PKD2L2: variants seen among roughly 807,000 people sequenced by gnomAD.
PKD2L2 encodes polycystin 2 like 2, transient receptor potential cation channel, also known as polycystin-2-like protein 2.
In PKD2L2, 67 loss-of-function variants were observed where a neutral mutation model predicts 83.9. The ratio of observed to expected loss-of-function variants is 0.80; its 90% CI spans 0.66 to 0.98. The LOEUF is 0.98. PKD2L2 is among the 50% of genes least tolerant of loss of function. The pLI is 0.00. For missense variants in PKD2L2, 632 were observed against 717.2 expected (o/e 0.88, Z 1.36); for synonymous variants, 223 against 237.8 (o/e 0.94, Z 0.57).
chr5:137,936,513 T>C (rs1262046718), intron 14 of PKD2L2, 86 bp downstream of exon 14: 1 of 1,121,186 alleles, frequency 8.9e-7, no homozygotes, highest in Non-Finnish European at 1.3e-6. Context: ...TGGAGTGCAG[T>C]GGCGTGGTCT....
rs181755054 is a variant in PKD2L2, at chr5:137,927,961, C to T, written c.1671+2032C>T. 1.3e-3 allele frequency among the ~76,000 whole-genome samples: 201 copies of T among 150,984 alleles called. 4 individuals carry two copies. The highest frequency in any genetic ancestry group is 0.011 in the Middle Eastern group (3 of 276). Reference sequence around the variant, plus strand: ...AGACCATTCCTGAAATAGAAGGTGACGTGAATTGAAAGACATACTGTGTAT... The same window carrying T: ...AGACCATTCCTGAAATAGAAGGTGATGTGAATTGAAAGACATACTGTGTAT... On this transcript the variant is annotated intron_variant, in intron 12 of 14. Coordinates refer to ENST00000508883, the MANE Select transcript of PKD2L2 (RefSeq NM_001300921.2).
intron 2 of PKD2L2, among the ~76,000 whole-genome samples, chr5:137,892,011 A>T (rs7710358): frequency 3.3e-5 from 5 of 152,212 alleles, no homozygotes; most frequent in Non-Finnish European, 7.3e-5. Flanking sequence ...AAAACTCATC[A>T]TGTGCCAAAA....
chr5:137,917,266 G>T (rs1427595736), intron 8 of PKD2L2, among the ~76,000 whole-genome samples: 20 of 149,180 alleles, frequency 1.3e-4, no homozygotes, highest in African/African-American at 4.9e-4. Flanking sequence ...TTGGGTTCAA[G>T]CAATTCTCCT....
intron 6 of PKD2L2, among the ~76,000 whole-genome samples, chr5:137,906,994 C>T (rs1047831373): frequency 1.3e-5 from 2 of 152,290 alleles, no homozygotes; most frequent in Non-Finnish European, 1.5e-5. Flanking sequence ...CTGAAATAAA[C>T]AGAGATTTAG....
intron 14 of PKD2L2, 124 bp downstream of exon 14, chr5:137,936,551 G>A (rs1269414081): frequency 4.7e-6 from 3 of 641,072 alleles, no homozygotes; most frequent in African/African-American, 1.9e-5. Context: ...CACCTCCCGG[G>A]TTCAAGCGAT....
chr5:137,940,105 G>C (rs1209901201), intron 14 of PKD2L2: 14 of 1,613,970 alleles, frequency 8.7e-6, no homozygotes, highest in Non-Finnish European at 1.1e-5. Context: ...CCACAACCAA[G>C]TACAAAATGA....
intron 8 of PKD2L2, among the ~76,000 whole-genome samples, chr5:137,919,969 G>A (rs146485769): frequency 5.9e-5 from 9 of 152,152 alleles, no homozygotes; most frequent in East Asian, 1.9e-4. Flanking sequence ...AGCCCAAGGC[G>A]GGTGGATCAC....
intron 2 of PKD2L2, among the ~76,000 whole-genome samples, chr5:137,891,786 C>G (rs1285029183): frequency 6.6e-6 from 1 of 151,776 alleles, no homozygotes; most frequent in East Asian, 1.9e-4. Context: ...TGAGTTCAAG[C>G]GATTCTCCTG....
At chr5:137,893,738 G>T (rs537764695) in intron 3 of PKD2L2, among the ~76,000 whole-genome samples, 1 of 152,300 alleles carries the variant, frequency 6.6e-6, no homozygotes, top group East Asian at 1.9e-4. Context: ...TCATTTCCTG[G>T]AAGAGGGCAA....
chr5:137,918,065 AAAT>A (rs1758543512), intron 8 of PKD2L2, among the ~76,000 whole-genome samples: 1 of 152,226 alleles, frequency 6.6e-6, no homozygotes. Context: ...AAAAAATAAA[AAAT>A]AATAAAAATT....
At chr5:137,933,049 C>A (rs1444593471) in intron 12 of PKD2L2, among the ~76,000 whole-genome samples, 7 of 83,696 alleles carry the variant, frequency 8.4e-5, no homozygotes, top group Admixed American at 4.6e-4. Context: ...ACAAAACAAA[C>A]CAAAAAAAAA....
intron 5 of PKD2L2, among the ~76,000 whole-genome samples, chr5:137,901,621 A>G (rs1294010694): frequency 6.6e-6 from 1 of 152,222 alleles, no homozygotes; most frequent in Non-Finnish European, 1.5e-5. Flanking sequence ...GTTGTACAAC[A>G]AGAAGGCCTG....
intron 3 of PKD2L2, among the ~76,000 whole-genome samples, chr5:137,894,015 C>A: frequency 6.6e-6 from 1 of 152,056 alleles, no homozygotes; most frequent in Non-Finnish European, 1.5e-5. Context: ...GGGGTACAGA[C>A]AACTTTGGAG....
rs1407162475 is a variant in PKD2L2 at position 137,899,756 on chromosome 5, T to C, written c.746+19T>C. ...TTATCAGGTGAGTGACTCAAAACTT[T>C]TTTTCATAGACAGTGGTCAATGGCC... is the stretch of plus-strand genomic sequence containing the variant. On this transcript the variant is annotated intron_variant, in intron 5 of 14. Transcript: ENST00000508883. The C allele has an allele frequency of 6.9e-6, 10 of 1,453,260 alleles. No homozygotes were observed. Among genetic ancestry groups the C allele is most frequent in the Non-Finnish European group, 9.6e-6 (10 of 1,041,828 alleles). The allele number at this position is 1,453,260 out of a possible 1,614,324, so 90.0% of individuals were successfully genotyped here. A position where few individuals can be genotyped will look rare whatever the true frequency, so the allele number is the denominator to read the frequency against.
In PKD2L2 at chr5:137,894,559, T is replaced by C. The variant is rs201323032; in HGVS notation, c.474T>C (p.Tyr158=). ...QSLMSECYGK[Y]TSANEDLSNF... ...TGATGAGTGAATGTTATGGCAAATA[T>C]ACTTCTGCAAATGAAGACCTCTCTA... The change falls in exon 4 of 15, where the codon TAT becomes TAC. Residue 158 remains tyrosine, a synonymous_variant. Coordinates refer to ENST00000508883, the MANE Select transcript of PKD2L2 (RefSeq NM_001300921.2). 7.6e-5 allele frequency: 122 copies of C among 1,613,202 alleles called. No individual in the cohort carries two copies. In the African/African-American group the frequency reaches 1.5e-3, roughly 19 times the overall value.
At chr5:137,920,007 GGT>G (rs1758744589) in intron 8 of PKD2L2, among the ~76,000 whole-genome samples, 1 of 152,142 alleles carries the variant, frequency 6.6e-6, no homozygotes, top group African/African-American at 2.4e-5. Flanking sequence ...AGACCAACCT[GGT>G]CAACGTGGTG....
At chr5:137,928,988 A>C (rs1759613836) in intron 12 of PKD2L2, among the ~76,000 whole-genome samples, 1 of 152,250 alleles carries the variant, frequency 6.6e-6, no homozygotes, top group African/African-American at 2.4e-5. Context: ...TAAGTGGTAC[A>C]TGAAATAATG....
intron 2 of PKD2L2, among the ~76,000 whole-genome samples, chr5:137,890,814 C>T (rs1009796627): frequency 6.6e-6 from 1 of 152,194 alleles, no homozygotes; most frequent in Admixed American, 6.5e-5. Flanking sequence ...AAGAAGCTTC[C>T]ATAGTCAATA....
Position 137,913,647 on chromosome 5 carries a change from C to T in PKD2L2, c.1328+4701C>T, listed in dbSNP as rs987926959. On this transcript the variant is annotated intron_variant, in intron 8 of 14. Coordinates refer to ENST00000508883, the MANE Select transcript of PKD2L2 (RefSeq NM_001300921.2). The stretch of plus-strand genomic sequence containing the variant: ...CTGGGACTATAGGCACATGCCACCA[C>T]ACCCAGCTAATTTTTGTATTTTTAG... Among the ~76,000 whole-genome samples the T allele has an allele frequency of 2.6e-4, 39 of 152,020 alleles. 1 individual carries two copies. The highest frequency in any genetic ancestry group is 8.7e-4 in the African/African-American group (36 of 41,406).
Sources: gnomAD v4.1 joint callset for allele counts (sites outside exome capture counted in the v4.1 genomes callset) on GRCh38, gnomAD v4.1.1 for gene constraint, MANE v1.5 for transcripts, NCBI Gene and HGNC (gene_info 2026-07-23, HGNC 2026-07-21) for gene names.